Variants in LRP1B observed in about 807,000 individuals in gnomAD.
The protein encoded by LRP1B is LDL receptor related protein 1B.
LRP1B carries 217 observed loss-of-function variants against 556.6 expected under a neutral mutation model. The observed-to-expected ratio is 0.39, with a 90% CI of 0.35 to 0.44. LRP1B has a LOEUF of 0.44. LRP1B is among the 20% of genes least tolerant of loss of function. The pLI is 1.00. For missense variants in LRP1B, 5,053 were observed against 5,620.8 expected, an observed-to-expected ratio of 0.90 and a Z score of 3.23; for synonymous variants, 2,047 against 1,865.8, an observed-to-expected ratio of 1.10 and a Z score of -2.50.
intron 20 of LRP1B, among the ~76,000 whole-genome samples, chr2:140,929,753 G>GACACAC (rs1259244233): frequency 1.8e-5 from 1 of 54,286 alleles, no homozygotes; most frequent in Non-Finnish European, 4.5e-5. Context: ...CAGTCATATA[G>GACACAC]ACTCACACAC....
Position 140,280,027 on chromosome 2 carries a change from G to A in LRP1B, c.12968-5429C>T, listed in dbSNP as rs544254607. ...CCTTTGTTGAAGTTTTATAGCCTTC[G>A]GATTTATTTTTTATATTTCACTTTT... On this transcript the variant is annotated intron_variant, in intron 84 of 90. Transcript: ENST00000389484. 5.9e-5 allele frequency among the ~76,000 whole-genome samples: 9 copies of A among 151,758 alleles called. No homozygotes were observed. The East Asian group carries it at 9.7e-4, about 16-fold the overall frequency.
At chr2:140,707,696 G>A (rs930789781) in intron 37 of LRP1B, among the ~76,000 whole-genome samples, 4 of 152,142 alleles carry the variant, frequency 2.6e-5, no homozygotes, top group South Asian at 2.1e-4. Context: ...AATGTAGAGC[G>A]TTCTCTTTTT....
chr2:140,782,569 C>T (rs1403966234), intron 32 of LRP1B, among the ~76,000 whole-genome samples: 1 of 152,092 alleles, frequency 6.6e-6, no homozygotes. Flanking sequence ...GTCAAGCCAT[C>T]CAGTCTGTGG....
intron 9 of LRP1B, among the ~76,000 whole-genome samples, chr2:141,056,248 C>T (rs1485989080): frequency 1.3e-5 from 2 of 151,730 alleles, no homozygotes; most frequent in Non-Finnish European, 2.9e-5. Flanking sequence ...TACAATAGAT[C>T]GCATCTCCTC....
At chr2:140,421,390 A>G (rs1685436018) in intron 66 of LRP1B, among the ~76,000 whole-genome samples, 1 of 152,214 alleles carries the variant, frequency 6.6e-6, no homozygotes, top group Admixed American at 6.5e-5. Context: ...ACTATATAAT[A>G]TTGGCCGGAA....
At chr2:140,361,086 G>A (rs1682480763) in intron 72 of LRP1B, among the ~76,000 whole-genome samples, 1 of 150,722 alleles carries the variant, frequency 6.6e-6, no homozygotes, top group Non-Finnish European at 1.5e-5. Flanking sequence ...AATATTTATA[G>A]TAACCTATAA....
intron 2 of LRP1B, among the ~76,000 whole-genome samples, chr2:141,753,510 C>T (rs1442677181): frequency 6.6e-6 from 1 of 151,690 alleles, no homozygotes; most frequent in Non-Finnish European, 1.5e-5. Context: ...GCTTATTAGG[C>T]CCATAAGAAC....
intron 32 of LRP1B, among the ~76,000 whole-genome samples, chr2:140,790,994 G>A (rs1378845178): frequency 6.7e-6 from 1 of 149,230 alleles, no homozygotes; most frequent in African/African-American, 2.5e-5. Context: ...GGTGGCTCAT[G>A]CCTGTAATCC....
rs1013076377 is a variant in LRP1B, at chr2:140,630,683, A to G, written c.6800-29044T>C. Among the ~76,000 whole-genome samples, 9 of 152,156 alleles carry G rather than the reference A, an allele frequency of 5.9e-5. No individual in the cohort carries two copies. The East Asian group carries it at 1.5e-3, about 26-fold the overall frequency. On this transcript the variant is annotated intron_variant, in intron 41 of 90. Coordinates refer to ENST00000389484, the MANE Select transcript of LRP1B (RefSeq NM_018557.3). ...TGAAGAATTAAGAAAAAAAACCCTC[A>G]TGTTTCTGGCAGGGGAAAGGGAAAA...
intron 2 of LRP1B, among the ~76,000 whole-genome samples, chr2:141,608,483 C>T (rs1687994836): frequency 6.6e-6 from 1 of 152,148 alleles, no homozygotes; most frequent in African/African-American, 2.4e-5. Context: ...TTGAGAGATC[C>T]AGGTCACCAT....
At chr2:141,154,576 T>A (rs1289393508) in intron 7 of LRP1B, among the ~76,000 whole-genome samples, 1 of 151,890 alleles carries the variant, frequency 6.6e-6, no homozygotes, top group Non-Finnish European at 1.5e-5. Context: ...TTAGGGAGAA[T>A]AATGGCTGTA....
chr2:140,365,268 A>T (rs1248182694), intron 71 of LRP1B, among the ~76,000 whole-genome samples: 2 of 151,690 alleles, frequency 1.3e-5, no homozygotes, highest in African/African-American at 4.8e-5. Flanking sequence ...GCAAACACAA[A>T]GAAACGATTT....
At chr2:142,049,429 G>A (rs1428501887) in intron 1 of LRP1B, among the ~76,000 whole-genome samples, 1 of 151,936 alleles carries the variant, frequency 6.6e-6, no homozygotes, top group Non-Finnish European at 1.5e-5. Context: ...ATCACATAAG[G>A]ACATATTCAG....
intron 3 of LRP1B, among the ~76,000 whole-genome samples, chr2:141,461,099 C>T (rs1263621096): frequency 6.6e-6 from 1 of 151,764 alleles, no homozygotes; most frequent in African/African-American, 2.4e-5. Context: ...TAAATGAGAT[C>T]ACTAAGCAAG....
At chr2:141,215,268 G>A (rs1682751457) in intron 6 of LRP1B, among the ~76,000 whole-genome samples, 1 of 152,174 alleles carries the variant, frequency 6.6e-6, no homozygotes, top group African/African-American at 2.4e-5. Flanking sequence ...CTCCCCAGAA[G>A]CAGATGCTCG....
At chr2:141,037,457 C>T (rs1248061490) in intron 11 of LRP1B, among the ~76,000 whole-genome samples, 1 of 152,034 alleles carries the variant, frequency 6.6e-6, no homozygotes, top group Non-Finnish European at 1.5e-5. Flanking sequence ...TTGAACTTAG[C>T]TCTCTTCAGT....
chr2:140,763,182 T>C (rs1462430405), intron 35 of LRP1B, among the ~76,000 whole-genome samples: 6 of 152,092 alleles, frequency 3.9e-5, no homozygotes, highest in Non-Finnish European at 8.8e-5. Context: ...CTCAAACATA[T>C]ATAATTTAAA....
At chr2:141,673,066 T>C (rs1050965460) in intron 2 of LRP1B, among the ~76,000 whole-genome samples, 1 of 152,166 alleles carries the variant, frequency 6.6e-6, no homozygotes, top group African/African-American at 2.4e-5. Context: ...CACAGATAAG[T>C]GTTAGAGTAA....
intron 1 of LRP1B, among the ~76,000 whole-genome samples, chr2:142,034,464 T>C (rs560973487): frequency 1.3e-5 from 2 of 151,800 alleles, no homozygotes; most frequent in Admixed American, 6.6e-5. Context: ...GCCTTTTTTT[T>C]CTTACTAAAC....
Sources: gnomAD v4.1 joint callset for allele counts (sites outside exome capture counted in the v4.1 genomes callset) on GRCh38, gnomAD v4.1.1 for gene constraint, MANE v1.5 for transcripts, NCBI Gene and HGNC (gene_info 2026-07-23, HGNC 2026-07-21) for gene names.